The following PDE11A variants were observed in gnomAD, a reference collection of about 807,000 sequenced individuals.
The protein encoded by PDE11A is phosphodiesterase 11A, also known as dual 3',5'-cyclic-AMP and -GMP phosphodiesterase 11A.
A neutral mutation model predicts 100.5 loss-of-function variants in PDE11A; 100 were observed. That is an observed-to-expected ratio of 1.00 (90% CI 0.85 to 1.18). The LOEUF (loss-of-function observed/expected upper bound fraction) is 1.18, where lower values mean the gene tolerates loss of function less well. PDE11A is among the 50% of genes most tolerant of loss of function. The probability of loss-of-function intolerance (pLI) is 0.00; values close to 1 mark genes in which losing one functional copy is unlikely to be tolerated. For synonymous variants in PDE11A, 381 were observed against 420.8 expected, an observed-to-expected ratio of 0.91 and a Z score of 1.16; for missense variants, 1,141 against 1,152.6, an observed-to-expected ratio of 0.99 and a Z score of 0.15.
At chr2:177,874,970 T>A (rs1489412316) in intron 5 of PDE11A, among the ~76,000 whole-genome samples, 1 of 152,186 alleles carries the variant, frequency 6.6e-6, no homozygotes, top group Non-Finnish European at 1.5e-5. Flanking sequence ...GCACCTGTAA[T>A]GCTAGCACTT....
At chr2:177,843,302 C>T (rs980317850) in intron 5 of PDE11A, among the ~76,000 whole-genome samples, 5 of 152,116 alleles carry the variant, frequency 3.3e-5, no homozygotes, top group Admixed American at 2.0e-4. Context: ...TTTCCTGTTG[C>T]CTTTCAGAAG....
chr2:177,728,138 A>G lies in PDE11A; in HGVS notation c.1823T>C (p.Ile608Thr), dbSNP rs1439967288. ...AAAGTCATCAAAATGAATGTCATCGATGGCAAGTTCTGACACCAGAGGGAT... is the reference window on the plus strand; with the variant it reads ...AAAGTCATCAAAATGAATGTCATCGGTGGCAAGTTCTGACACCAGAGGGAT... ...ANIPLVSELA[I>T]DDIHFDDFSL... Residue 608 changes from isoleucine (I) to threonine (T), a missense_variant, in exon 11 of 20, where the codon ATC becomes ACC. Physicochemically the swap from Ile to Thr is moderately conservative, Grantham distance 89. Coordinates refer to ENST00000286063, the MANE Select transcript of PDE11A (RefSeq NM_016953.4). 2.5e-6 allele frequency: 4 copies of G among 1,613,192 alleles called. No individual in the cohort carries two copies. The highest frequency in any genetic ancestry group is 1.7e-4 in the Middle Eastern group (1 of 6,056).
chr2:177,835,815 G>A (rs140240208), intron 6 of PDE11A, among the ~76,000 whole-genome samples: 1,774 of 152,296 alleles, frequency 0.012, 45 homozygotes, highest in African/African-American at 0.038. Flanking sequence ...CTTAGCACCC[G>A]GGCCAGCAGC....
intron 19 of PDE11A, among the ~76,000 whole-genome samples, chr2:177,638,762 A>T (rs1302680104): frequency 2.0e-5 from 3 of 152,162 alleles, no homozygotes; most frequent in African/African-American, 7.2e-5. Context: ...TACTGATGCA[A>T]TACCCTTCTG....
At chr2:177,872,589 G>A (rs2105690046) in intron 5 of PDE11A, among the ~76,000 whole-genome samples, 1 of 152,272 alleles carries the variant, frequency 6.6e-6, no homozygotes, top group African/African-American at 2.4e-5. Context: ...CATCAGAATT[G>A]AAATAATACC....
chr2:178,069,753 G>A (rs2087100869), intron 1 of PDE11A, among the ~76,000 whole-genome samples: 2 of 152,170 alleles, frequency 1.3e-5, no homozygotes, highest in Non-Finnish European at 2.9e-5. Context: ...CTAGACAGCA[G>A]CAAGACAAGT....
At chr2:177,966,036 C>T (rs535372461) in intron 2 of PDE11A, among the ~76,000 whole-genome samples, 37 of 152,164 alleles carry the variant, frequency 2.4e-4, no homozygotes, top group African/African-American at 7.7e-4. Context: ...TTTTTTTCAG[C>T]AGTGTTTCGT....
At chr2:177,809,829 T>C (rs1372552065) in intron 9 of PDE11A, among the ~76,000 whole-genome samples, 1 of 152,096 alleles carries the variant, frequency 6.6e-6, no homozygotes, top group African/African-American at 2.4e-5. Context: ...TTCAACAGAG[T>C]AAGTTTAAAG....
At chr2:177,914,653 A>G (rs2084927154) in intron 2 of PDE11A, among the ~76,000 whole-genome samples, 1 of 152,184 alleles carries the variant, frequency 6.6e-6, no homozygotes, top group African/African-American at 2.4e-5. Context: ...GCTACACAAT[A>G]GAGTAACTTA....
intron 19 of PDE11A, among the ~76,000 whole-genome samples, chr2:177,644,264 A>G (rs2080187803): frequency 6.6e-6 from 1 of 152,234 alleles, no homozygotes; most frequent in Non-Finnish European, 1.5e-5. Flanking sequence ...GGGAGGCTGT[A>G]CCCTACAAAG....
chr2:177,725,554 A>C (rs2081588123), intron 12 of PDE11A, among the ~76,000 whole-genome samples: 1 of 152,016 alleles, frequency 6.6e-6, no homozygotes, highest in Non-Finnish European at 1.5e-5. Flanking sequence ...GAATGCAAAA[A>C]AACAAAACCT....
At chr2:177,708,568 C>T (rs2081314099) in intron 13 of PDE11A, among the ~76,000 whole-genome samples, 2 of 151,944 alleles carry the variant, frequency 1.3e-5, no homozygotes, top group Admixed American at 6.6e-5. Context: ...TTTAACAAAC[C>T]CCCGTTACAC....
At chr2:177,871,537 TA>T (rs2084134587) in intron 5 of PDE11A, among the ~76,000 whole-genome samples, 1 of 106,046 alleles carries the variant, frequency 9.4e-6, no homozygotes, top group Non-Finnish European at 1.9e-5. Context: ...TTATTATTAT[TA>T]TTATTATTAT....
At chr2:177,899,529 G>T in intron 3 of PDE11A, 1 of 314,372 alleles carries the variant, frequency 3.2e-6, no homozygotes, top group Non-Finnish European at 6.6e-6. Flanking sequence ...TCACTATCAG[G>T]AAGAAACAGG....
At chr2:178,009,172 T>C (rs112678918) in intron 2 of PDE11A, among the ~76,000 whole-genome samples, 2 of 152,200 alleles carry the variant, frequency 1.3e-5, no homozygotes, top group Non-Finnish European at 1.5e-5. Context: ...CGAGGTCTCA[T>C]TATTTTCTTC....
At chr2:177,824,124 G>A (rs2083190499) in intron 6 of PDE11A, among the ~76,000 whole-genome samples, 1 of 152,102 alleles carries the variant, frequency 6.6e-6, no homozygotes, top group Admixed American at 6.6e-5. Flanking sequence ...GGGAAAGTGG[G>A]AGTATGCACT....
At chr2:177,844,809 A>C (rs749477664) in intron 5 of PDE11A, among the ~76,000 whole-genome samples, 8 of 151,516 alleles carry the variant, frequency 5.3e-5, no homozygotes, top group African/African-American at 1.9e-4. Context: ...AATCCATTTA[A>C]CCCTGAGTGG....
At chr2:177,705,395 G>A (rs1161212796) in intron 13 of PDE11A, among the ~76,000 whole-genome samples, 1 of 152,166 alleles carries the variant, frequency 6.6e-6, no homozygotes, top group African/African-American at 2.4e-5. Context: ...ATGGAGAGAG[G>A]AAGAGAAGAG....
chr2:177,982,675 A>G (rs1300062432), intron 2 of PDE11A, among the ~76,000 whole-genome samples: 1 of 150,852 alleles, frequency 6.6e-6, no homozygotes, highest in African/African-American at 2.4e-5. Flanking sequence ...ATTTAACAAG[A>G]TGATATTTAA....
Sources: gnomAD v4.1 joint callset for allele counts (sites outside exome capture counted in the v4.1 genomes callset) on GRCh38, gnomAD v4.1.1 for gene constraint, MANE v1.5 for transcripts, NCBI Gene and HGNC (gene_info 2026-07-23, HGNC 2026-07-21) for gene names.